Variants in KYNU observed in about 807,000 individuals in gnomAD.
KYNU encodes the protein kynureninase, also known as L-kynurenine hydrolase.
Under a neutral mutation model 59.2 loss-of-function variants are expected in KYNU, and 54 were observed. That is an observed-to-expected ratio of 0.91 (90% CI 0.73 to 1.14). KYNU has a LOEUF of 1.14. Ranked by LOEUF, KYNU falls within the 50% of genes most tolerant of loss-of-function variation. The probability of loss-of-function intolerance (pLI) is 0.00; values close to 1 mark genes in which losing one functional copy is unlikely to be tolerated. For synonymous variants in KYNU, 177 were observed against 192.0 expected (o/e 0.92, Z 0.65); for missense variants, 567 against 554.4 (o/e 1.02, Z -0.23).
intron 2 of KYNU, among the ~76,000 whole-genome samples, chr2:142,917,912 A>G (rs1214874990): frequency 6.6e-6 from 1 of 152,344 alleles, no homozygotes; most frequent in South Asian, 2.1e-4. Context: ...TCCCTAAGAT[A>G]TAAGAGAAAA....
chr2:143,051,593 T>C lies in KYNU; in HGVS notation c.*9421T>C, dbSNP rs1573930205. On this transcript the variant is annotated 3_prime_UTR_variant, in exon 14 of 14. Transcript: ENST00000264170. The stretch of plus-strand genomic sequence containing the variant: ...GTAATTGAATCATGGGGGCAGGACT[T>C]TCCCATGATGTTCTCATGATAATGA... The C allele has an allele frequency of 1.3e-5, 2 of 152,318 alleles. No homozygotes were observed. Among genetic ancestry groups the C allele is most frequent in the African/African-American group, 4.8e-5 (2 of 41,578 alleles). The allele number at this position is 152,318 out of a possible 1,614,324, so 9.4% of individuals were successfully genotyped here.
chr2:142,945,628 A>G (rs1683746340), intron 4 of KYNU, among the ~76,000 whole-genome samples: 1 of 152,120 alleles, frequency 6.6e-6, no homozygotes, highest in South Asian at 2.1e-4. Flanking sequence ...TCTTAGTGGC[A>G]TCTAGAATGG....
Position 143,019,677 on chromosome 2 carries a change from G to T in KYNU, c.903-9950G>T, listed in dbSNP as rs553806891. 5.3e-5 allele frequency among the ~76,000 whole-genome samples: 8 copies of T among 152,266 alleles called. No homozygotes were observed. The South Asian group carries it at 1.7e-3, about 32-fold the overall frequency. On this transcript the variant is annotated intron_variant, in intron 10 of 13. Coordinates refer to ENST00000264170, the MANE Select transcript of KYNU (RefSeq NM_003937.3). ...CAGGGTAATGCTGGCCTCATGGAATGAGTTTGAAAGTATTCCCTCCTCTTA... is the reference window on the plus strand; with the variant it reads ...CAGGGTAATGCTGGCCTCATGGAATTAGTTTGAAAGTATTCCCTCCTCTTA...
intron 11 of KYNU, among the ~76,000 whole-genome samples, 160 bp from the exon 12 acceptor site, chr2:143,033,076 G>A (rs1403599073): frequency 1.3e-5 from 2 of 152,136 alleles, no homozygotes; most frequent in Admixed American, 6.5e-5. Context: ...GGGAAATAAC[G>A]TCGATATTTT....
At chr2:142,950,656 G>C (rs1461444228) in intron 4 of KYNU, among the ~76,000 whole-genome samples, 1 of 152,212 alleles carries the variant, frequency 6.6e-6, no homozygotes, top group Non-Finnish European at 1.5e-5. Flanking sequence ...TGAGATTTGA[G>C]TGGGGACACA....
chr2:142,992,742 A>T (rs1482371562), intron 10 of KYNU, among the ~76,000 whole-genome samples: 1 of 152,004 alleles, frequency 6.6e-6, no homozygotes, highest in Non-Finnish European at 1.5e-5. Flanking sequence ...ATGTAAAGAG[A>T]ATGATCCTGA....
chr2:142,922,419 C>T (rs1404998422), intron 3 of KYNU, among the ~76,000 whole-genome samples: 8 of 151,612 alleles, frequency 5.3e-5, no homozygotes, highest in Non-Finnish European at 1.2e-4. Context: ...GTGGGAGGAT[C>T]GCTTGAGCCT....
intron 10 of KYNU, among the ~76,000 whole-genome samples, chr2:143,029,361 G>T (rs974252843): frequency 1.1e-4 from 17 of 152,126 alleles, no homozygotes; most frequent in Non-Finnish European, 1.9e-4. Flanking sequence ...CAAGGCTGAT[G>T]AATCACTTGA....
At chr2:142,905,957 TTAC>T (rs974331436) in intron 2 of KYNU, among the ~76,000 whole-genome samples, 1 of 151,950 alleles carries the variant, frequency 6.6e-6, no homozygotes, top group Admixed American at 6.5e-5. Context: ...CTGTTTTTCT[TTAC>T]TACTTCTATC....
intron 2 of KYNU, among the ~76,000 whole-genome samples, chr2:142,901,511 C>T (rs1416550418): frequency 1.3e-5 from 2 of 152,026 alleles, no homozygotes; most frequent in African/African-American, 4.8e-5. Flanking sequence ...TTCTGATGAC[C>T]CCGGCAGTGT....
chr2:142,980,874 A>G (rs1339613751), intron 8 of KYNU, among the ~76,000 whole-genome samples: 1 of 152,152 alleles, frequency 6.6e-6, no homozygotes, highest in East Asian at 1.9e-4. Context: ...TTGCTTTCAC[A>G]TATGCATATC....
chr2:142,994,553 G>A (rs911687975), intron 10 of KYNU, among the ~76,000 whole-genome samples: 7 of 152,070 alleles, frequency 4.6e-5, no homozygotes, highest in South Asian at 2.1e-4. Context: ...AGAAGATTTC[G>A]CACAAGCCAT....
intron 4 of KYNU, among the ~76,000 whole-genome samples, chr2:142,935,870 G>A (rs1319811495): frequency 6.6e-6 from 1 of 152,098 alleles, no homozygotes; most frequent in Non-Finnish European, 1.5e-5. Context: ...GGCAGGATGG[G>A]TTTATAGGCT....
chr2:143,025,392 G>A (rs1433980876), intron 10 of KYNU, among the ~76,000 whole-genome samples: 1 of 152,108 alleles, frequency 6.6e-6, no homozygotes, highest in Admixed American at 6.5e-5. Flanking sequence ...AGGTACCTAA[G>A]CAGGAGGCTA....
intron 10 of KYNU, among the ~76,000 whole-genome samples, chr2:143,007,770 A>G: frequency 8.0e-6 from 1 of 124,866 alleles, no homozygotes; most frequent in Non-Finnish European, 1.6e-5. Context: ...CTTAAAGAAA[A>G]CAATTTTCAA....
At chr2:142,955,021 G>A (rs964451346) in intron 5 of KYNU, 150 bp downstream of exon 5, 8 of 622,562 alleles carry the variant, frequency 1.3e-5, no homozygotes, top group African/African-American at 1.9e-5. Context: ...GCTGGACCAT[G>A]ATATAATAGC....
intron 2 of KYNU, 101 bp from the exon 3 acceptor site, chr2:142,918,508 T>C: frequency 7.9e-7 from 1 of 1,263,182 alleles, no homozygotes; most frequent in East Asian, 2.6e-5. Context: ...CTTTTTATCC[T>C]TCTTAGAGTT....
chr2:142,956,510 T>C (rs1573837345), intron 6 of KYNU, among the ~76,000 whole-genome samples: 1 of 152,192 alleles, frequency 6.6e-6, no homozygotes, highest in African/African-American at 2.4e-5. Flanking sequence ...TATTAGTCTT[T>C]TTAAAGACAT....
chr2:142,952,275 C>T (rs1684017024), intron 4 of KYNU, among the ~76,000 whole-genome samples: 1 of 152,030 alleles, frequency 6.6e-6, no homozygotes, highest in Non-Finnish European at 1.5e-5. Context: ...AGGGTCTCAC[C>T]ATGTTGCCCA....
Sources: gnomAD v4.1 joint callset for allele counts (sites outside exome capture counted in the v4.1 genomes callset) on GRCh38, gnomAD v4.1.1 for gene constraint, MANE v1.5 for transcripts, NCBI Gene and HGNC (gene_info 2026-07-23, HGNC 2026-07-21) for gene names.